EXOC1: variants seen among roughly 807,000 people sequenced by gnomAD.
The protein encoded by EXOC1 is SEC3-like 1.
A neutral mutation model predicts 107.7 loss-of-function variants in EXOC1; 67 were observed. That is an observed-to-expected ratio of 0.62 (90% CI 0.51 to 0.76). EXOC1 has a LOEUF of 0.76. Ranked by LOEUF, EXOC1 falls within the 30% of genes least tolerant of loss-of-function variation. EXOC1 has a pLI of 0.00. For synonymous variants in EXOC1, 348 were observed against 353.5 expected (o/e 0.98, Z 0.17); for missense variants, 833 against 1,055.7 (o/e 0.79, Z 2.92).
chr4:55,877,593 A>C, intron 8 of EXOC1: 1 of 985,370 alleles, frequency 1.0e-6, no homozygotes, highest in Non-Finnish European at 1.2e-6. Context: ...TGCTTGGTAA[A>C]TTGTGAAATA....
intron 9 of EXOC1, among the ~76,000 whole-genome samples, chr4:55,881,529 A>T (rs1262495404): frequency 6.6e-6 from 1 of 152,078 alleles, no homozygotes; most frequent in Non-Finnish European, 1.5e-5. Flanking sequence ...GTCCGAGCAC[A>T]CCTTGGTTTT....
intron 9 of EXOC1, among the ~76,000 whole-genome samples, chr4:55,879,766 T>A (rs1158679870): frequency 6.6e-6 from 1 of 152,204 alleles, no homozygotes; most frequent in Non-Finnish European, 1.5e-5. Flanking sequence ...TTCTAGATAG[T>A]CCTGGCTGAA....
intron 1 of EXOC1, among the ~76,000 whole-genome samples, chr4:55,855,868 C>T (rs1275151309): frequency 1.3e-5 from 2 of 152,174 alleles, no homozygotes; most frequent in Non-Finnish European, 2.9e-5. Flanking sequence ...GGATTAGCAG[C>T]ATGGACACTC....
intron 1 of EXOC1, among the ~76,000 whole-genome samples, chr4:55,855,952 G>A (rs1423538332): frequency 6.6e-6 from 1 of 152,186 alleles, no homozygotes; most frequent in Non-Finnish European, 1.5e-5. Context: ...GGGGATAATT[G>A]TATTTCATGG....
intron 8 of EXOC1, chr4:55,876,089 A>G (rs897222062): frequency 1.6e-5 from 16 of 984,944 alleles, no homozygotes; most frequent in Non-Finnish European, 1.9e-5. Context: ...CAACATAGAA[A>G]TAGATAATAG....
chr4:55,904,497 C>A lies in EXOC1; in HGVS notation c.*2C>A. ...TCCAGCATTGCACAGTCCCACTAAACCTTGTGAAAGAAGAAAAGATAACTG... is the reference window on the plus strand; with the variant it reads ...TCCAGCATTGCACAGTCCCACTAAAACTTGTGAAAGAAGAAAAGATAACTG... On this transcript the variant is annotated 3_prime_UTR_variant, in exon 19 of 19. Coordinates refer to ENST00000381295, the MANE Select transcript of EXOC1 (RefSeq NM_001024924.2). The A allele has an allele frequency of 6.2e-7, 1 of 1,601,834 alleles. No homozygotes were observed. The highest frequency in any genetic ancestry group is 2.2e-5 in the East Asian group (1 of 44,476).
chr4:55,864,878 G>GT (rs1489932706), intron 4 of EXOC1, among the ~76,000 whole-genome samples: 2 of 152,156 alleles, frequency 1.3e-5, no homozygotes, highest in Non-Finnish European at 2.9e-5. Context: ...CCTTGTAGCA[G>GT]TATTTTTGTA....
intron 11 of EXOC1, among the ~76,000 whole-genome samples, chr4:55,889,854 T>C (rs774010091): frequency 4.6e-5 from 7 of 152,180 alleles, no homozygotes; most frequent in Non-Finnish European, 8.8e-5. Flanking sequence ...TGGTCCTCAT[T>C]GACCTTCATC....
At chr4:55,863,614 A>C (rs1053101595) in intron 3 of EXOC1, among the ~76,000 whole-genome samples, 18 of 152,198 alleles carry the variant, frequency 1.2e-4, no homozygotes, top group African/African-American at 4.3e-4. Flanking sequence ...CCTGTCTCAA[A>C]AAAATAAAGA....
At chr4:55,893,813 A>C in intron 15 of EXOC1, 33 bp downstream of exon 15, 1 of 1,532,404 alleles carries the variant, frequency 6.5e-7, no homozygotes, top group Non-Finnish European at 9.0e-7. Flanking sequence ...ATACCTTAGC[A>C]TCCTAGTCAT....
Position 55,899,767 on chromosome 4 carries a change from T to C in EXOC1, c.2220T>C (p.Leu740=), listed in dbSNP as rs1450944860. ...MENFHHIFAT[L]SRLKISCLEA... ...ACTTTCACCATATTTTTGCAACTCT[T>C]TCTCGATTGAAAATCTCATGTCTAG... The change falls in exon 17 of 19, where the codon CTT becomes CTC. Residue 740 remains leucine (L), a synonymous_variant. Transcript: ENST00000381295. 2 of 1,613,676 alleles carry C rather than the reference T, an allele frequency of 1.2e-6. No homozygotes were observed. Among genetic ancestry groups the C allele is most frequent in the East Asian group, 4.5e-5 (2 of 44,832 alleles).
chr4:55,897,006 CT>C, intron 16 of EXOC1, 106 bp downstream of exon 16: 2 of 840,786 alleles, frequency 2.4e-6, no homozygotes, highest in Non-Finnish European at 3.4e-6. Context: ...ATCTTATAAT[CT>C]TTTTTAGGTT....
In EXOC1 at chr4:55,858,302, C is replaced by A. The variant is rs1407760991; in HGVS notation, c.-10-12C>A. On this transcript the variant is annotated splice_polypyrimidine_tract_variant and intron_variant, in intron 1 of 18. Coordinates refer to ENST00000381295, the MANE Select transcript of EXOC1 (RefSeq NM_001024924.2). Reference sequence around the variant, plus strand: ...GAGGGTGAGCTTAATATCTATACTCCACATTTTTCAGCTGAGAAAAGATGA... The same window carrying A: ...GAGGGTGAGCTTAATATCTATACTCAACATTTTTCAGCTGAGAAAAGATGA... 6.3e-6 allele frequency: 10 copies of A among 1,593,066 alleles called. No homozygotes were observed. The highest frequency in any genetic ancestry group is 8.5e-6 in the Non-Finnish European group (10 of 1,170,992).
chr4:55,860,237 T>G (rs73238371), intron 2 of EXOC1, among the ~76,000 whole-genome samples, 174 bp from the exon 3 acceptor site: 8,168 of 152,294 alleles, frequency 0.054, 324 homozygotes, highest in Non-Finnish European at 0.083. Context: ...CTAGTCTGAC[T>G]TAGATGCTTC....
chr4:55,884,693 C>T (rs1723703733), intron 10 of EXOC1, among the ~76,000 whole-genome samples: 1 of 152,106 alleles, frequency 6.6e-6, no homozygotes, highest in Non-Finnish European at 1.5e-5. Flanking sequence ...CCTTAAATGG[C>T]CACATTGTGT....
At chr4:55,872,403 C>T (rs1002455045) in intron 8 of EXOC1, among the ~76,000 whole-genome samples, 2 of 151,824 alleles carry the variant, frequency 1.3e-5, no homozygotes, top group Non-Finnish European at 2.9e-5. Context: ...ACTAGCTCAA[C>T]TGCAAATTTC....
intron 8 of EXOC1, chr4:55,876,528 C>A: frequency 1.1e-6 from 1 of 924,742 alleles, no homozygotes; most frequent in Non-Finnish European, 1.3e-6. Context: ...TGGTGCCAAG[C>A]TTAGTCTGAG....
At chr4:55,876,506 T>C in intron 8 of EXOC1, 6 of 812,508 alleles carry the variant, frequency 7.4e-6, no homozygotes, top group Non-Finnish European at 8.9e-6. Context: ...CATTTTACCA[T>C]CAAAATTGTT....
rs759039846 is a variant in EXOC1, at chr4:55,870,910, G to A, written c.831+5G>A. The stretch of plus-strand genomic sequence containing the variant: ...TCTGAGATAGAGTTCCTTGTGGTAA[G>A]TATGATCATAAATTACCAACAAAAA... On this transcript the variant is annotated splice_donor_5th_base_variant and intron_variant, in intron 6 of 18. Transcript: ENST00000381295. 3 of 1,599,458 alleles carry A rather than the reference G, an allele frequency of 1.9e-6. No individual in the cohort carries two copies. Among genetic ancestry groups the A allele is most frequent in the Non-Finnish European group, 2.6e-6 (3 of 1,171,990 alleles).
Sources: allele counts gnomAD v4.1 joint callset (sites outside exome capture counted in the v4.1 genomes callset), GRCh38; gene constraint gnomAD v4.1.1; transcripts MANE v1.5; gene names NCBI Gene and HGNC (gene_info 2026-07-23, HGNC 2026-07-21).